Variants in THSD7B observed in about 807,000 individuals in gnomAD.
The protein encoded by THSD7B is thrombospondin type-1 domain-containing protein 7B.
Under a neutral mutation model 213.6 loss-of-function variants are expected in THSD7B, and 138 were observed. The ratio of observed to expected loss-of-function variants is 0.65; its 90% CI spans 0.56 to 0.74. The LOEUF is 0.74. Among genes scored for constraint, THSD7B ranks in the 30% least tolerant of loss-of-function variants. The probability of loss-of-function intolerance (pLI) is 0.00; values close to 1 mark genes in which losing one functional copy is unlikely to be tolerated. For missense variants in THSD7B, 1,931 were observed against 1,991.5 expected, an observed-to-expected ratio of 0.97 and a Z score of 0.58; for synonymous variants, 742 against 687.0, an observed-to-expected ratio of 1.08 and a Z score of -1.25.
intron 20 of THSD7B, among the ~76,000 whole-genome samples, chr2:137,634,355 CAA>C (rs1426839756): frequency 6.6e-6 from 1 of 152,080 alleles, no homozygotes; most frequent in South Asian, 2.1e-4. Flanking sequence ...GCTGGAAGCT[CAA>C]AGTTACTTCA....
At chr2:137,585,829 G>C (rs1316614932) in intron 17 of THSD7B, among the ~76,000 whole-genome samples, 4 of 152,156 alleles carry the variant, frequency 2.6e-5, no homozygotes, top group Admixed American at 1.3e-4. Flanking sequence ...ATTTGAGGTG[G>C]AGAGTTCTGT....
At chr2:137,361,853 C>T (rs1685270929) in intron 12 of THSD7B, among the ~76,000 whole-genome samples, 1 of 152,024 alleles carries the variant, frequency 6.6e-6, no homozygotes, top group Admixed American at 6.6e-5. Flanking sequence ...GCAAGGCAGG[C>T]CAACATTCAA....
At chr2:137,600,283 A>G (rs1682051568) in intron 17 of THSD7B, among the ~76,000 whole-genome samples, 1 of 152,238 alleles carries the variant, frequency 6.6e-6, no homozygotes. Context: ...TTCAGTATCC[A>G]GTCATGCGCC....
chr2:137,358,066 C>T (rs1464367806), intron 12 of THSD7B, among the ~76,000 whole-genome samples: 2 of 152,014 alleles, frequency 1.3e-5, no homozygotes, highest in African/African-American at 4.8e-5. Flanking sequence ...CTTTCCTTTC[C>T]TTGCTGAAGT....
At chr2:136,792,374 T>C (rs1681981588) in intron 1 of THSD7B, among the ~76,000 whole-genome samples, 1 of 151,618 alleles carries the variant, frequency 6.6e-6, no homozygotes, top group Non-Finnish European at 1.5e-5. Context: ...GAGAGAGAGA[T>C]CAATAGATGG....
chr2:137,581,100 T>A (rs1351822575), intron 17 of THSD7B, among the ~76,000 whole-genome samples: 1 of 152,218 alleles, frequency 6.6e-6, no homozygotes, highest in Non-Finnish European at 1.5e-5. Context: ...TCTTTAATAT[T>A]TTCTGTGAAT....
chr2:136,970,539 A>G (rs1685388884), intron 2 of THSD7B, among the ~76,000 whole-genome samples: 1 of 152,154 alleles, frequency 6.6e-6, no homozygotes, highest in African/African-American at 2.4e-5. Flanking sequence ...AATAAAAGGA[A>G]ACATAAGAAC....
intron 17 of THSD7B, among the ~76,000 whole-genome samples, chr2:137,592,891 C>T (rs1265910134): frequency 6.6e-6 from 1 of 151,900 alleles, no homozygotes; most frequent in African/African-American, 2.4e-5. Context: ...AATTTAGGCA[C>T]TTCTTTTACA....
At chr2:136,770,035 G>GT (rs1463051554) in intron 1 of THSD7B, among the ~76,000 whole-genome samples, 1 of 152,142 alleles carries the variant, frequency 6.6e-6, no homozygotes, top group Non-Finnish European at 1.5e-5. Flanking sequence ...ACTCATGGCC[G>GT]TGTTCCACTT....
intron 2 of THSD7B, among the ~76,000 whole-genome samples, chr2:137,034,745 C>G (rs1686741075): frequency 1.3e-5 from 2 of 152,124 alleles, no homozygotes; most frequent in African/African-American, 4.8e-5. Flanking sequence ...CAGCTTCAAC[C>G]ATGTCCCTGC....
At chr2:137,482,956 A>C (rs150002085) in intron 15 of THSD7B, among the ~76,000 whole-genome samples, 2 of 152,288 alleles carry the variant, frequency 1.3e-5, no homozygotes, top group East Asian at 3.9e-4. Context: ...AGGTACTCTG[A>C]CTGTTAGGAA....
intron 6 of THSD7B, 70 bp downstream of exon 6, chr2:137,160,438 CT>C: frequency 6.5e-7 from 1 of 1,533,424 alleles, no homozygotes; most frequent in Non-Finnish European, 8.9e-7. Flanking sequence ...AGCTAAGTCA[CT>C]GATTAAGCCT....
intron 27 of THSD7B, among the ~76,000 whole-genome samples, chr2:137,670,313 A>G (rs1456902729): frequency 2.0e-5 from 3 of 152,086 alleles, no homozygotes. Flanking sequence ...CAGCAAAACT[A>G]AAGTCATGTT....
At chr2:137,417,875 C>A (rs1027019834) in intron 14 of THSD7B, among the ~76,000 whole-genome samples, 1 of 152,140 alleles carries the variant, frequency 6.6e-6, no homozygotes, top group Non-Finnish European at 1.5e-5. Flanking sequence ...TCCTCTCTCC[C>A]AGAAAGAAAT....
At chr2:137,355,520 T>C (rs1685106896) in intron 12 of THSD7B, among the ~76,000 whole-genome samples, 1 of 152,110 alleles carries the variant, frequency 6.6e-6, no homozygotes, top group Non-Finnish European at 1.5e-5. Flanking sequence ...AAATATAAAT[T>C]CACTGTGTAG....
At chr2:137,077,124 G>C (rs1687643071) in intron 3 of THSD7B, among the ~76,000 whole-genome samples, 1 of 151,796 alleles carries the variant, frequency 6.6e-6, no homozygotes, top group Non-Finnish European at 1.5e-5. Flanking sequence ...ATGGTTTCCA[G>C]CTTCATCCAT....
At chr2:136,810,697 C>G (rs903691968) in intron 1 of THSD7B, among the ~76,000 whole-genome samples, 1 of 152,136 alleles carries the variant, frequency 6.6e-6, no homozygotes, top group African/African-American at 2.4e-5. Context: ...CATCCTTAGT[C>G]GTTATATAGT....
At chr2:137,671,741 T>TGAGA (rs1269659897) in intron 27 of THSD7B, among the ~76,000 whole-genome samples, 2 of 151,870 alleles carry the variant, frequency 1.3e-5, no homozygotes, top group Non-Finnish European at 2.9e-5. Flanking sequence ...CAACTCAAGA[T>TGAGA]GAGATTTAGG....
chr2:137,261,117 C>T (rs1371898621), intron 10 of THSD7B, among the ~76,000 whole-genome samples: 1 of 151,956 alleles, frequency 6.6e-6, no homozygotes, highest in African/African-American at 2.4e-5. Context: ...CTGGCCCTTA[C>T]TAGGCTTTAA....
Sources: allele counts gnomAD v4.1 joint callset (sites outside exome capture counted in the v4.1 genomes callset), GRCh38; gene constraint gnomAD v4.1.1; transcripts MANE v1.5; gene names NCBI Gene and HGNC (gene_info 2026-07-23, HGNC 2026-07-21).